Variants in C8orf34 observed in about 807,000 individuals in gnomAD.
C8orf34 encodes the protein uncharacterized protein C8orf34.
Under a neutral mutation model 68.3 loss-of-function variants are expected in C8orf34, and 65 were observed. The ratio of observed to expected loss-of-function variants is 0.95; its 90% confidence interval spans 0.78 to 1.17. The LOEUF is 1.17. Among genes scored for constraint, C8orf34 ranks in the 50% most tolerant of loss-of-function variants. C8orf34 has a pLI of 0.00. For synonymous variants in C8orf34, 244 were observed against 241.2 expected, an observed-to-expected ratio of 1.01 and a Z score of -0.11; for missense variants, 664 against 655.4, an observed-to-expected ratio of 1.01 and a Z score of -0.14.
At chr8:68,493,631 T>G (rs1813404628) in intron 5 of C8orf34, among the ~76,000 whole-genome samples, 1 of 152,242 alleles carries the variant, frequency 6.6e-6, no homozygotes. Context: ...TGTTTGTATC[T>G]TTCCAAAATT....
chr8:68,404,542 A>G (rs1475091407), intron 1 of C8orf34, among the ~76,000 whole-genome samples: 1 of 152,006 alleles, frequency 6.6e-6, no homozygotes, highest in African/African-American at 2.4e-5. Context: ...ATCTTGAGTT[A>G]ATTTTTGTAT....
chr8:68,728,015 C>G (rs1821881012), intron 10 of C8orf34, among the ~76,000 whole-genome samples: 1 of 152,184 alleles, frequency 6.6e-6, no homozygotes, highest in African/African-American at 2.4e-5. Context: ...TTTTTATTTT[C>G]TATCACATAG....
intron 10 of C8orf34, among the ~76,000 whole-genome samples, chr8:68,759,089 A>AAC (rs1383097052): frequency 6.6e-6 from 1 of 152,036 alleles, no homozygotes; most frequent in Non-Finnish European, 1.5e-5. Flanking sequence ...CATATACACA[A>AAC]ACACACACAC....
intron 8 of C8orf34, among the ~76,000 whole-genome samples, chr8:68,642,644 A>C (rs569287800): frequency 6.6e-6 from 1 of 152,200 alleles, no homozygotes; most frequent in Non-Finnish European, 1.5e-5. Flanking sequence ...AGGTTATATT[A>C]TGTAAGAGGA....
intron 7 of C8orf34, among the ~76,000 whole-genome samples, chr8:68,628,981 T>G (rs1337707825): frequency 6.6e-6 from 1 of 152,206 alleles, no homozygotes; most frequent in Non-Finnish European, 1.5e-5. Context: ...CAACACACTT[T>G]TAAAGGGTAT....
chr8:68,444,933 A>G (rs2129626575), intron 2 of C8orf34, among the ~76,000 whole-genome samples: 1 of 152,278 alleles, frequency 6.6e-6, no homozygotes, highest in South Asian at 2.1e-4. Context: ...ATAGTCCAAG[A>G]ATGGATATAG....
intron 1 of C8orf34, among the ~76,000 whole-genome samples, chr8:68,350,714 T>C (rs1325916581): frequency 1.3e-5 from 2 of 152,150 alleles, no homozygotes. Context: ...TTGATGTTTG[T>C]TGGTTTGAAA....
intron 7 of C8orf34, among the ~76,000 whole-genome samples, chr8:68,619,147 G>T (rs1358530607): frequency 6.6e-6 from 1 of 152,034 alleles, no homozygotes; most frequent in East Asian, 1.9e-4. Flanking sequence ...GGGCAACATG[G>T]TGAAATCTCA....
chr8:68,526,461 G>T (rs974304617), intron 6 of C8orf34, among the ~76,000 whole-genome samples: 4 of 152,136 alleles, frequency 2.6e-5, no homozygotes, highest in Middle Eastern at 3.2e-3. Context: ...AAGTGGAGGA[G>T]AATGATTTTT....
At chr8:68,711,139 C>T (rs1191937237) in intron 9 of C8orf34, among the ~76,000 whole-genome samples, 3 of 152,160 alleles carry the variant, frequency 2.0e-5, no homozygotes, top group Non-Finnish European at 2.9e-5. Flanking sequence ...ATCAGGGGAA[C>T]ACACTAAGGG....
intron 7 of C8orf34, among the ~76,000 whole-genome samples, chr8:68,610,881 T>TTTTTTTTTTA (rs1818001766): frequency 6.6e-6 from 1 of 150,494 alleles, no homozygotes; most frequent in African/African-American, 2.4e-5. Flanking sequence ...TTTTTTTTTT[T>TTTTTTTTTTA]GAGACAGAGT....
At chr8:68,476,483 T>C (rs1011772908) in intron 4 of C8orf34, among the ~76,000 whole-genome samples, 2 of 152,170 alleles carry the variant, frequency 1.3e-5, no homozygotes, top group African/African-American at 2.4e-5. Context: ...AGTTTTATCA[T>C]TGAAAAGGCC....
chr8:68,383,419 T>C (rs1808126843), intron 1 of C8orf34, among the ~76,000 whole-genome samples: 1 of 152,168 alleles, frequency 6.6e-6, no homozygotes, highest in Non-Finnish European at 1.5e-5. Flanking sequence ...GTCTTGCTTG[T>C]TCAGACAATT....
intron 3 of C8orf34, among the ~76,000 whole-genome samples, chr8:68,448,591 T>A (rs1371791549): frequency 6.6e-6 from 1 of 152,022 alleles, no homozygotes; most frequent in African/African-American, 2.4e-5. Context: ...AAAAAAGTAT[T>A]CATCCTCACA....
At chr8:68,683,855 G>A (rs911726693) in intron 8 of C8orf34, among the ~76,000 whole-genome samples, 3 of 152,104 alleles carry the variant, frequency 2.0e-5, no homozygotes, top group Admixed American at 6.6e-5. Context: ...GAGGCAGACC[G>A]CATGTATAGA....
At chr8:68,713,345 G>GA (rs1365187402) in intron 9 of C8orf34, among the ~76,000 whole-genome samples, 7 of 148,120 alleles carry the variant, frequency 4.7e-5, no homozygotes, top group African/African-American at 1.8e-4. Context: ...AAAACAAACT[G>GA]AAAGAACAAA....
chr8:68,388,515 A>G (rs1037105637), intron 1 of C8orf34, among the ~76,000 whole-genome samples: 6 of 152,166 alleles, frequency 3.9e-5, no homozygotes, highest in African/African-American at 1.4e-4. Flanking sequence ...CCTTAGGAAT[A>G]TGGACTTTTA....
At position 68,456,785 on chromosome 8, in the gene C8orf34, A is replaced by G. The variant is rs74728440; in HGVS notation, c.607+10325A>G. ...TAGCACTTATACAATGCAAGCTGGC[A>G]TAGGGACAAAGATCTGCAAGGTAGC... On this transcript the variant is annotated intron_variant, in intron 3 of 13. Coordinates refer to ENST00000518698, the MANE Select transcript of C8orf34 (RefSeq NM_052958.4). Among the ~76,000 whole-genome samples the G allele has an allele frequency of 6.2e-3, 948 of 152,334 alleles. 5 individuals carry two copies. The highest frequency in any genetic ancestry group is 0.014 in the Admixed American group (218 of 15,298).
chr8:68,466,376 AGT>A (rs1263828858), intron 3 of C8orf34, among the ~76,000 whole-genome samples: 1 of 152,044 alleles, frequency 6.6e-6, no homozygotes, highest in Non-Finnish European at 1.5e-5. Context: ...GCACACCCTA[AGT>A]GTTGATTAAA....
Sources: gnomAD v4.1 joint callset for allele counts (sites outside exome capture counted in the v4.1 genomes callset) on GRCh38, gnomAD v4.1.1 for gene constraint, MANE v1.5 for transcripts, NCBI Gene and HGNC (gene_info 2026-07-23, HGNC 2026-07-21) for gene names.